KLRG1: variants seen among roughly 807,000 people sequenced by gnomAD.
The protein encoded by KLRG1 is killer cell lectin like receptor G1.
KLRG1 carries 16 observed loss-of-function variants against 21.8 expected under a neutral mutation model. That is an observed-to-expected ratio of 0.73 (90% CI 0.50 to 1.11). The LOEUF (loss-of-function observed/expected upper bound fraction) is 1.11. Among genes scored for constraint, KLRG1 ranks in the 50% most tolerant of loss-of-function variants. The probability of loss-of-function intolerance (pLI) is 0.00; values close to 1 mark genes in which losing one functional copy is unlikely to be tolerated. For missense variants in KLRG1, 173 were observed against 218.3 expected, an observed-to-expected ratio of 0.79 and a Z score of 1.31; for synonymous variants, 69 against 75.9, an observed-to-expected ratio of 0.91 and a Z score of 0.47.
chr12:9,187,364 AAAC>A, the KLRG1 span, among the ~76,000 whole-genome samples: 1 of 152,124 alleles, frequency 6.6e-6, no homozygotes, highest in Non-Finnish European at 1.5e-5. Flanking sequence ...ATCCACTACA[AAAC>A]AACAACACAT....
At chr12:9,070,697 C>G in the KLRG1 span, 1 of 676,734 alleles carries the variant, frequency 1.5e-6, no homozygotes, top group Non-Finnish European at 2.5e-6. Flanking sequence ...TCCCAAATAT[C>G]TTATCCCAGT....
the KLRG1 span, chr12:9,201,346 A>G: frequency 6.4e-7 from 1 of 1,557,384 alleles, no homozygotes; most frequent in Non-Finnish European, 8.8e-7. Context: ...TATCAGTGGA[A>G]TCTATATGAT....
the KLRG1 span, among the ~76,000 whole-genome samples, chr12:9,195,095 G>T: frequency 1.3e-5 from 2 of 151,958 alleles, no homozygotes; most frequent in African/African-American, 4.8e-5. Flanking sequence ...AGAATAATTT[G>T]AATTTTTAGC....
At chr12:9,182,830 G>A in the KLRG1 span, among the ~76,000 whole-genome samples, 1 of 152,158 alleles carries the variant, frequency 6.6e-6, no homozygotes, top group African/African-American at 2.4e-5. Flanking sequence ...ATAAAACCAC[G>A]AGAGACTTAA....
chr12:9,098,847 G>A, the KLRG1 span: 4 of 1,423,448 alleles, frequency 2.8e-6, no homozygotes, highest in Admixed American at 2.1e-5. Context: ...CATGTACAAT[G>A]TATAACCACT....
At chr12:9,112,676 G>A in the KLRG1 span, 1 of 848,834 alleles carries the variant, frequency 1.2e-6, no homozygotes, top group Non-Finnish European at 1.8e-6. Context: ...AGTTGGCATG[G>A]ACAGGAATCA....
At chr12:9,104,921 A>G in the KLRG1 span, among the ~76,000 whole-genome samples, 5 of 152,288 alleles carry the variant, frequency 3.3e-5, no homozygotes, top group South Asian at 6.2e-4. Flanking sequence ...TTGCCAATAC[A>G]TTGTCCTGTG....
At chr12:9,150,264 GT>G in the KLRG1 span, among the ~76,000 whole-genome samples, 2 of 152,066 alleles carry the variant, frequency 1.3e-5, no homozygotes, top group East Asian at 3.8e-4. Flanking sequence ...TGTTCAGTAA[GT>G]TTTTGTTTTG....
the KLRG1 span, chr12:9,113,370 A>T: frequency 1.5e-5 from 24 of 1,613,478 alleles, no homozygotes; most frequent in Non-Finnish European, 2.0e-5. Flanking sequence ...AGCGAAGGCG[A>T]CACAGTGGAG....
At chr12:8,971,439 T>TCTTG (rs959166061) in intron 1 of KLRG1, among the ~76,000 whole-genome samples, 33 of 152,216 alleles carry the variant, frequency 2.2e-4, no homozygotes, top group African/African-American at 7.5e-4. Context: ...GCCTCTCCAT[T>TCTTG]CTTGATATTG....
intron 1 of KLRG1, among the ~76,000 whole-genome samples, chr12:8,974,081 G>T: frequency 6.6e-6 from 1 of 151,410 alleles, no homozygotes; most frequent in Non-Finnish European, 1.5e-5. Context: ...GCACTATGTT[G>T]AATGGAAATA....
Position 9,005,693 on chromosome 12 carries a change from G to A in KLRG1, c.358-3282G>A, listed in dbSNP as rs182231125. 1.5e-4 allele frequency among the ~76,000 whole-genome samples: 23 copies of A among 152,318 alleles called. 1 individual carries two copies. The highest frequency in any genetic ancestry group is 1.4e-3 in the Admixed American group (22 of 15,304). On this transcript the variant is annotated intron_variant, in intron 3 of 4. Transcript: ENST00000356986. ...TGGTCTCCAAGATGTTTAGCACCAG[G>A]CACCAGTTTCGTGGAAGACAATTTT...
the KLRG1 span, among the ~76,000 whole-genome samples, chr12:9,083,061 C>T: frequency 6.6e-6 from 1 of 152,158 alleles, no homozygotes; most frequent in Non-Finnish European, 1.5e-5. Context: ...CCTATTTCTC[C>T]ACATCCTCTC....
In KLRG1 at chr12:9,010,676, A is replaced by T. The variant is rs1017772324; in HGVS notation, c.*1139A>T. The T allele has an allele frequency of 1.3e-5, 2 of 152,236 alleles. No homozygotes were observed. The highest frequency in any genetic ancestry group is 6.5e-5 in the Admixed American group (1 of 15,286). 9.4% of individuals were successfully genotyped at this position (152,236 alleles called of 1,614,324 possible). A position where few individuals can be genotyped will look rare whatever the true frequency, so the allele number is the denominator to read the frequency against. On this transcript the variant is annotated 3_prime_UTR_variant, in exon 5 of 5. Coordinates refer to ENST00000356986, the MANE Select transcript of KLRG1 (RefSeq NM_005810.4). ...AAACATGGACTGTATCTTATCTACC[A>T]CTATATCCCAAATACCTAAGATAGT...
the KLRG1 span, chr12:9,068,232 A>C: frequency 1.2e-6 from 2 of 1,605,756 alleles, no homozygotes; most frequent in Non-Finnish European, 8.5e-7. Context: ...CATCTGAAAA[A>C]AAAAAAACCA....
the KLRG1 span, among the ~76,000 whole-genome samples, chr12:9,035,102 C>T: frequency 1.3e-5 from 2 of 152,140 alleles, no homozygotes; most frequent in African/African-American, 4.8e-5. Flanking sequence ...TATAGCTGTA[C>T]AATACATTTG....
chr12:9,083,094 C>T, the KLRG1 span, among the ~76,000 whole-genome samples: 1 of 152,116 alleles, frequency 6.6e-6, no homozygotes, highest in South Asian at 2.1e-4. Context: ...TTTCCTGGGA[C>T]ATGGATGAAG....
chr12:9,160,110 A>G, the KLRG1 span: 1 of 1,337,062 alleles, frequency 7.5e-7, no homozygotes, highest in Non-Finnish European at 1.1e-6. Context: ...TCCAGGCGCC[A>G]TGGACATTTT....
the KLRG1 span, among the ~76,000 whole-genome samples, chr12:9,046,950 A>T: frequency 2.6e-5 from 4 of 152,248 alleles, no homozygotes; most frequent in South Asian, 8.3e-4. Context: ...AATTTCCTGG[A>T]CTCAAGTGAT....
Sources: allele counts gnomAD v4.1 joint callset (sites outside exome capture counted in the v4.1 genomes callset), GRCh38; gene constraint gnomAD v4.1.1; transcripts MANE v1.5; gene names NCBI Gene and HGNC (gene_info 2026-07-23, HGNC 2026-07-21).